The following PCCB variants were observed in gnomAD, a reference collection of about 807,000 sequenced individuals.
The protein encoded by PCCB is propionyl-CoA carboxylase subunit beta, also known as propionyl-CoA carboxylase beta chain, mitochondrial.
PCCB carries 43 observed loss-of-function variants against 60.7 expected under a neutral mutation model. That is an observed-to-expected ratio of 0.71 (90% CI 0.55 to 0.91). The LOEUF is 0.91. Among genes scored for constraint, PCCB ranks in the 40% least tolerant of loss-of-function variants. PCCB has a pLI of 0.00. For missense variants in PCCB, 766 were observed against 702.8 expected (o/e 1.09, Z -1.02); for synonymous variants, 276 against 255.9 (o/e 1.08, Z -0.75).
chr3:136,286,038 G>A (rs553643348), intron 6 of PCCB, among the ~76,000 whole-genome samples: 1 of 152,338 alleles, frequency 6.6e-6, no homozygotes, highest in Admixed American at 6.5e-5. Context: ...GTAATGAGGA[G>A]TTAGCCCTAC....
intron 5 of PCCB, among the ~76,000 whole-genome samples, chr3:136,269,710 C>A (rs1267792182): frequency 1.3e-5 from 2 of 151,708 alleles, no homozygotes; most frequent in Non-Finnish European, 2.9e-5. Flanking sequence ...ACGGTGAAAC[C>A]CTGTCTTTAC....
At chr3:136,294,412 A>G (rs1404199207) in intron 7 of PCCB, among the ~76,000 whole-genome samples, 1 of 150,654 alleles carries the variant, frequency 6.6e-6, no homozygotes, top group Non-Finnish European at 1.5e-5. Context: ...CCCAGGCTCA[A>G]GCAATCCTCC....
intron 13 of PCCB, among the ~76,000 whole-genome samples, 177 bp downstream of exon 13, chr3:136,327,909 T>C (rs113068452): frequency 2.0e-5 from 3 of 152,196 alleles, no homozygotes; most frequent in African/African-American, 7.2e-5. Flanking sequence ...GAGATAGCTC[T>C]GCCTCCTGTC....
At position 136,250,350 on chromosome 3, in the gene PCCB, G is replaced by A. The variant is rs1188061897; in HGVS notation, c.-26G>A. 6.7e-7 allele frequency: 1 copy of A among 1,490,512 alleles called. No homozygotes were observed. Among genetic ancestry groups the A allele is most frequent in the Non-Finnish European group, 9.0e-7 (1 of 1,115,148 alleles). 92.3% of individuals were successfully genotyped at this position (1,490,512 alleles called of 1,614,324 possible). A position where few individuals can be genotyped will look rare whatever the true frequency, so the allele number is the denominator to read the frequency against. On this transcript the variant is annotated 5_prime_UTR_variant, in exon 1 of 15. Coordinates refer to ENST00000251654, the MANE Select transcript of PCCB (RefSeq NM_000532.5). The stretch of plus-strand genomic sequence containing the variant: ...AGCACATGCGTACTCAGGTGCGCCG[G>A]TAGGGGACGCGCCGGCACAGCAAAA...
chr3:136,279,749 G>T (rs1942424719), intron 5 of PCCB, among the ~76,000 whole-genome samples: 1 of 151,878 alleles, frequency 6.6e-6, no homozygotes, highest in African/African-American at 2.4e-5. Context: ...CTCACTGCAA[G>T]CTCCGCCTCC....
chr3:136,256,643 G>A lies in PCCB; in HGVS notation c.372+20G>A, dbSNP rs368397564. ...AGTCAGGTATTTCATAACTCCAATA[G>A]TCTGAACTTTTCTTGGAGGGCAGAG... On this transcript the variant is annotated intron_variant, in intron 3 of 14. Coordinates refer to ENST00000251654, the MANE Select transcript of PCCB (RefSeq NM_000532.5). The A allele has an allele frequency of 1.9e-6, 3 of 1,554,796 alleles. No individual in the cohort carries two copies. Among genetic ancestry groups the A allele is most frequent in the Non-Finnish European group, 2.7e-6 (3 of 1,125,946 alleles).
chr3:136,288,509 C>G (rs1933527723), intron 6 of PCCB, among the ~76,000 whole-genome samples: 1 of 151,652 alleles, frequency 6.6e-6, no homozygotes, highest in Admixed American at 6.6e-5. Flanking sequence ...CCATGCCTGC[C>G]TAATTTTTTT....
At chr3:136,277,726 G>C (rs765232592) in intron 5 of PCCB, among the ~76,000 whole-genome samples, 1 of 152,168 alleles carries the variant, frequency 6.6e-6, no homozygotes, top group Non-Finnish European at 1.5e-5. Context: ...GCCTCACCCA[G>C]ATCCCACACG....
At chr3:136,326,063 C>T (rs902664534) in intron 10 of PCCB, among the ~76,000 whole-genome samples, 42 of 152,250 alleles carry the variant, frequency 2.8e-4, no homozygotes, top group African/African-American at 7.9e-4. Flanking sequence ...CTGCCCGCCT[C>T]GGCCTCCCAA....
intron 1 of PCCB, chr3:136,255,201 A>G (rs535745902): frequency 4.5e-5 from 7 of 155,034 alleles, no homozygotes; most frequent in African/African-American, 1.4e-4. Context: ...ACTCTTCTCA[A>G]GTGAGCTCTT....
chr3:136,310,325 T>C (rs1217354867), intron 9 of PCCB, among the ~76,000 whole-genome samples: 1 of 151,072 alleles, frequency 6.6e-6, no homozygotes, highest in Non-Finnish European at 1.5e-5. Context: ...ATCGTGCCAT[T>C]GCACTCCAGC....
intron 10 of PCCB, among the ~76,000 whole-genome samples, chr3:136,318,835 T>C (rs1265061381): frequency 6.6e-6 from 1 of 152,214 alleles, no homozygotes; most frequent in Non-Finnish European, 1.5e-5. Context: ...CCTGGGTTAT[T>C]TCCACCTTTG....
chr3:136,288,535 A>G (rs989224712), intron 6 of PCCB, among the ~76,000 whole-genome samples: 3 of 150,708 alleles, frequency 2.0e-5, no homozygotes, highest in African/African-American at 7.3e-5. Flanking sequence ...ATTTTGGTAG[A>G]GAACTGGTCT....
intron 9 of PCCB, among the ~76,000 whole-genome samples, chr3:136,312,153 C>T (rs935230031): frequency 1.1e-4 from 16 of 152,216 alleles, no homozygotes; most frequent in Non-Finnish European, 2.4e-4. Context: ...AGTACAGTCA[C>T]GCGTTGCGTA....
At chr3:136,253,790 C>T (rs530451350) in intron 1 of PCCB, among the ~76,000 whole-genome samples, 1 of 151,592 alleles carries the variant, frequency 6.6e-6, no homozygotes, top group East Asian at 1.9e-4. Flanking sequence ...CCACTTCAGC[C>T]TCCTACCCTG....
intron 5 of PCCB, among the ~76,000 whole-genome samples, chr3:136,264,726 T>G (rs928187768): frequency 6.7e-6 from 1 of 148,378 alleles, no homozygotes; most frequent in Non-Finnish European, 1.5e-5. Flanking sequence ...AAACAAAAAA[T>G]TAGCCAGGTG....
At chr3:136,262,603 CAT>C (rs1342492095) in intron 5 of PCCB, among the ~76,000 whole-genome samples, 2 of 152,034 alleles carry the variant, frequency 1.3e-5, no homozygotes, top group Non-Finnish European at 2.9e-5. Flanking sequence ...TGAAAAGAAA[CAT>C]AAAATAATGT....
rs1471372722 is a variant in PCCB, at chr3:136,306,692, T to C, written c.966+5581T>C. 2.5e-5 allele frequency among the ~76,000 whole-genome samples: 3 copies of C among 122,196 alleles called. 1 individual carries two copies. The highest frequency in any genetic ancestry group is 5.5e-5 in the Non-Finnish European group (3 of 54,854). 80.2% of individuals were successfully genotyped at this position (122,196 alleles called of 152,430 possible). On this transcript the variant is annotated intron_variant, in intron 9 of 14. Coordinates refer to ENST00000251654, the MANE Select transcript of PCCB (RefSeq NM_000532.5). ...TACAATTATTGGTTATATTGTCACA[T>C]CTGGGATTAATTTTTTAAAATTCTT...
At chr3:136,268,134 A>G (rs1473573038) in intron 5 of PCCB, among the ~76,000 whole-genome samples, 31 of 136,944 alleles carry the variant, frequency 2.3e-4, no homozygotes, top group Non-Finnish European at 2.3e-4. Context: ...ATATATATAT[A>G]TATATATCTA....
Sources: gnomAD v4.1 joint callset for allele counts (sites outside exome capture counted in the v4.1 genomes callset) on GRCh38, gnomAD v4.1.1 for gene constraint, MANE v1.5 for transcripts, NCBI Gene and HGNC (gene_info 2026-07-23, HGNC 2026-07-21) for gene names.